PRKCE: variants seen among roughly 807,000 people sequenced by gnomAD.
The protein encoded by PRKCE is protein kinase C epsilon type.
PRKCE carries 16 observed loss-of-function variants against 85.4 expected under a neutral mutation model. The observed-to-expected ratio is 0.19, with a 90% confidence interval of 0.13 to 0.28. The LOEUF (loss-of-function observed/expected upper bound fraction) is 0.28. Among genes scored for constraint, PRKCE ranks in the 10% least tolerant of loss-of-function variants. PRKCE has a pLI of 1.00. For synonymous variants in PRKCE, 388 were observed against 371.5 expected, an observed-to-expected ratio of 1.04 and a Z score of -0.51; for missense variants, 573 against 975.2, an observed-to-expected ratio of 0.59 and a Z score of 5.49.
intron 1 of PRKCE, among the ~76,000 whole-genome samples, chr2:45,770,070 G>A (rs13404751): frequency 0.25 from 38,602 of 152,146 alleles, 5,731 homozygotes; most frequent in Middle Eastern, 0.39. Flanking sequence ...GCTGTGAAAC[G>A]CTCTCCTTCT....
At chr2:45,760,307 C>T (rs1369818665) in intron 1 of PRKCE, among the ~76,000 whole-genome samples, 1 of 152,264 alleles carries the variant, frequency 6.6e-6, no homozygotes, top group African/African-American at 2.4e-5. Flanking sequence ...TATGGTTGCT[C>T]CAGTTGAGCA....
At chr2:45,753,316 G>T (rs1165803046) in intron 1 of PRKCE, among the ~76,000 whole-genome samples, 1 of 152,294 alleles carries the variant, frequency 6.6e-6, no homozygotes, top group African/African-American at 2.4e-5. Context: ...AGGTGATGCT[G>T]CACCTGCTGG....
At chr2:46,084,251 G>T (rs893346790) in intron 10 of PRKCE, among the ~76,000 whole-genome samples, 2 of 152,206 alleles carry the variant, frequency 1.3e-5, no homozygotes, top group African/African-American at 4.8e-5. Flanking sequence ...TGGAGTGGGG[G>T]TGAAGGTAGT....
chr2:45,743,496 A>G (rs1386686325), intron 1 of PRKCE, among the ~76,000 whole-genome samples: 1 of 150,208 alleles, frequency 6.7e-6, no homozygotes, highest in Non-Finnish European at 1.5e-5. Context: ...GGAGCTTTCG[A>G]GAGTAGACTT....
chr2:45,904,590 G>A (rs1395723545), intron 2 of PRKCE, among the ~76,000 whole-genome samples: 1 of 152,208 alleles, frequency 6.6e-6, no homozygotes, highest in Non-Finnish European at 1.5e-5. Context: ...CTGCCAAGAA[G>A]CGAAATGTCT....
intron 14 of PRKCE, among the ~76,000 whole-genome samples, chr2:46,183,730 C>G (rs1044586589): frequency 6.6e-6 from 1 of 152,226 alleles, no homozygotes. Flanking sequence ...AGGTGCCTCC[C>G]TCCCATTTCT....
chr2:45,954,482 T>G (rs1700838174), intron 2 of PRKCE, among the ~76,000 whole-genome samples: 1 of 152,240 alleles, frequency 6.6e-6, no homozygotes. Flanking sequence ...ATGAGGGTCT[T>G]GCATCACTGT....
chr2:45,946,854 G>C (rs1295773509), intron 2 of PRKCE, among the ~76,000 whole-genome samples: 2 of 152,196 alleles, frequency 1.3e-5, no homozygotes, highest in South Asian at 2.1e-4. Flanking sequence ...CGCCTTAGAG[G>C]GGTCAACTCC....
chr2:46,165,391 G>C (rs1678237729), intron 14 of PRKCE, among the ~76,000 whole-genome samples: 1 of 152,216 alleles, frequency 6.6e-6, no homozygotes, highest in African/African-American at 2.4e-5. Flanking sequence ...TCCGGGGGTG[G>C]CTTGCTTCAG....
intron 1 of PRKCE, among the ~76,000 whole-genome samples, chr2:45,752,026 C>T (rs372277799): frequency 0.043 from 6,503 of 149,642 alleles, 151 homozygotes; most frequent in Middle Eastern, 0.065. Flanking sequence ...ACCGTTTTAG[C>T]CGGGATGGTC....
rs1377128353 is a variant in PRKCE, at chr2:45,786,696, A to G, written c.349-56304A>G. Among the ~76,000 whole-genome samples the G allele has an allele frequency of 6.6e-6, 1 of 152,114 alleles. No homozygotes were observed. The highest frequency in any genetic ancestry group is 1.5e-5 in the Non-Finnish European group (1 of 68,030). On this transcript the variant is annotated intron_variant, in intron 1 of 14. Coordinates refer to ENST00000306156, the MANE Select transcript of PRKCE (RefSeq NM_005400.3). This position sits in a 1 kb window ranked among gnomAD's most constrained non-coding sequence, Gnocchi z 5.3. ...AGTTTATTATCAAGGAACAGCAGCAAACCTTACTGGGGGTTCACCCTGTGC... is the reference window on the plus strand; with the variant it reads ...AGTTTATTATCAAGGAACAGCAGCAGACCTTACTGGGGGTTCACCCTGTGC...
intron 10 of PRKCE, among the ~76,000 whole-genome samples, chr2:46,026,944 G>T (rs1415415109): frequency 6.6e-6 from 1 of 152,166 alleles, no homozygotes; most frequent in Non-Finnish European, 1.5e-5. Context: ...TCCCAACATT[G>T]GGAGGCCAAG....
intron 1 of PRKCE, among the ~76,000 whole-genome samples, chr2:45,704,738 G>C (rs1483792729): frequency 6.6e-6 from 1 of 152,164 alleles, no homozygotes; most frequent in Non-Finnish European, 1.5e-5. Flanking sequence ...TCCCCCTCTA[G>C]TATTTCAAGG....
At chr2:45,816,197 C>T (rs989538885) in intron 1 of PRKCE, among the ~76,000 whole-genome samples, 3 of 152,164 alleles carry the variant, frequency 2.0e-5, no homozygotes, top group Non-Finnish European at 4.4e-5. Context: ...CATGTGTGGA[C>T]TTTCCCAGTG....
chr2:45,938,060 C>T (rs1478160558), intron 2 of PRKCE, among the ~76,000 whole-genome samples: 1 of 152,210 alleles, frequency 6.6e-6, no homozygotes, highest in Non-Finnish European at 1.5e-5. Context: ...TCCCCTTCGG[C>T]CTCTTCTTGT....
At chr2:45,958,812 ATATATTTTTTTTTTT>A (rs1487386716) in intron 2 of PRKCE, among the ~76,000 whole-genome samples, 3 of 26,790 alleles carry the variant, frequency 1.1e-4, no homozygotes, top group African/African-American at 5.5e-4. Context: ...ATATATATAT[ATATATTTTTTTTTTT>A]TTTTTTTTTT....
chr2:46,177,221 G>A (rs1679511485), intron 14 of PRKCE, among the ~76,000 whole-genome samples: 1 of 152,298 alleles, frequency 6.6e-6, no homozygotes, highest in South Asian at 2.1e-4. Flanking sequence ...TTCAAGACCA[G>A]CCAGGACAAC....
chr2:45,984,516 C>G, intron 5 of PRKCE, 35 bp from the exon 6 acceptor site: 1 of 1,594,512 alleles, frequency 6.3e-7, no homozygotes, highest in Admixed American at 1.7e-5. Flanking sequence ...AACTGAGGAG[C>G]TCGGTGGTGA....
intron 1 of PRKCE, among the ~76,000 whole-genome samples, chr2:45,740,405 A>C (rs755554968): frequency 2.0e-5 from 3 of 152,168 alleles, no homozygotes; most frequent in Non-Finnish European, 4.4e-5. Context: ...CTTCCTAGCC[A>C]GTTGATAGGC....
Sources: allele counts gnomAD v4.1 joint callset (sites outside exome capture counted in the v4.1 genomes callset), GRCh38; gene constraint gnomAD v4.1.1; non-coding constraint Gnocchi (gnomAD v3.1); transcripts MANE v1.5; gene names NCBI Gene and HGNC (gene_info 2026-07-23, HGNC 2026-07-21).